Variants in RBMS3 observed in about 807,000 individuals in gnomAD.
RBMS3 encodes RNA-binding motif, single-stranded-interacting protein 3.
In RBMS3, 27 loss-of-function variants were observed where a neutral mutation model predicts 66.8. The observed-to-expected ratio is 0.40, with a 90% confidence interval of 0.30 to 0.56. The LOEUF is 0.56. Ranked by LOEUF, RBMS3 falls within the 20% of genes least tolerant of loss-of-function variation. RBMS3 has a pLI of 0.40. For missense variants in RBMS3, 513 were observed against 549.5 expected, an observed-to-expected ratio of 0.93 and a Z score of 0.66; for synonymous variants, 188 against 183.0, an observed-to-expected ratio of 1.03 and a Z score of -0.22.
intron 1 of RBMS3, among the ~76,000 whole-genome samples, chr3:29,352,302 C>A (rs955390472): frequency 3.3e-5 from 5 of 151,916 alleles, no homozygotes; most frequent in African/African-American, 9.7e-5. Flanking sequence ...TAATTTTGAA[C>A]AATTTTGGCT....
intron 3 of RBMS3, among the ~76,000 whole-genome samples, chr3:29,539,586 T>A (rs2045687386): frequency 6.6e-6 from 1 of 152,190 alleles, no homozygotes; most frequent in Non-Finnish European, 1.5e-5. Context: ...ATCAACAGAA[T>A]CTGGTCATCC....
At chr3:29,904,343 G>A (rs2060324889) in intron 10 of RBMS3, among the ~76,000 whole-genome samples, 1 of 151,860 alleles carries the variant, frequency 6.6e-6, no homozygotes, top group South Asian at 2.1e-4. Flanking sequence ...AATTTTATAT[G>A]CATATGAAAT....
chr3:29,782,558 T>A (rs1440278881), intron 6 of RBMS3, among the ~76,000 whole-genome samples: 3 of 152,180 alleles, frequency 2.0e-5, no homozygotes, highest in Non-Finnish European at 4.4e-5. Context: ...ATCTTACCTC[T>A]TACATAGTCT....
intron 14 of RBMS3, among the ~76,000 whole-genome samples, chr3:29,997,448 G>A (rs375341647): frequency 2.8e-4 from 41 of 148,860 alleles, no homozygotes; most frequent in South Asian, 4.4e-4. Flanking sequence ...TACCAAAGCC[G>A]GGCAGAGACA....
At chr3:29,668,093 T>A (rs909048806) in intron 4 of RBMS3, among the ~76,000 whole-genome samples, 1 of 152,198 alleles carries the variant, frequency 6.6e-6, no homozygotes, top group African/African-American at 2.4e-5. Flanking sequence ...CATTTGATAT[T>A]ATATGTCAGT....
intron 1 of RBMS3, among the ~76,000 whole-genome samples, chr3:29,284,542 C>G (rs2032108710): frequency 6.6e-6 from 1 of 152,058 alleles, no homozygotes; most frequent in Non-Finnish European, 1.5e-5. Context: ...GCAGATGTTT[C>G]CATTCCCTGG....
chr3:29,963,460 A>G (rs541741355), intron 12 of RBMS3, among the ~76,000 whole-genome samples: 1 of 152,356 alleles, frequency 6.6e-6, no homozygotes, highest in Admixed American at 6.5e-5. Flanking sequence ...AAAAACGTAT[A>G]AGATTTACCA....
intron 10 of RBMS3, among the ~76,000 whole-genome samples, chr3:29,915,860 G>GA (rs34523615): frequency 0.01 from 1,530 of 152,052 alleles, 7 homozygotes; most frequent in East Asian, 0.029. Flanking sequence ...TCTGCATCTG[G>GA]AAAAAACTTC....
At chr3:29,439,623 T>A (rs1198354531) in intron 2 of RBMS3, among the ~76,000 whole-genome samples, 1 of 151,074 alleles carries the variant, frequency 6.6e-6, no homozygotes, top group Non-Finnish European at 1.5e-5. Context: ...TTATTATTAT[T>A]ATACTTTAAG....
At chr3:29,518,692 A>G (rs2044736380) in intron 3 of RBMS3, among the ~76,000 whole-genome samples, 1 of 152,252 alleles carries the variant, frequency 6.6e-6, no homozygotes, top group Non-Finnish European at 1.5e-5. Flanking sequence ...TAAATTTGGT[A>G]CAATATTCCA....
At chr3:29,310,680 C>A (rs1187947374) in intron 1 of RBMS3, among the ~76,000 whole-genome samples, 1 of 151,620 alleles carries the variant, frequency 6.6e-6, no homozygotes, top group Non-Finnish European at 1.5e-5. Flanking sequence ...GGAGTGAATT[C>A]CTTCAGCCCC....
chr3:29,580,009 A>T (rs983845896), intron 3 of RBMS3, among the ~76,000 whole-genome samples: 1 of 152,176 alleles, frequency 6.6e-6, no homozygotes, highest in Non-Finnish European at 1.5e-5. Context: ...GAGTTTTGGG[A>T]TTTGAATTTG....
intron 12 of RBMS3, among the ~76,000 whole-genome samples, chr3:29,987,765 A>C (rs1045960386): frequency 6.6e-6 from 1 of 152,100 alleles, no homozygotes; most frequent in Non-Finnish European, 1.5e-5. Flanking sequence ...AGAGCCTACT[A>C]TGTGATAGGT....
At chr3:29,413,421 CAT>C (rs1491207671) in intron 1 of RBMS3, among the ~76,000 whole-genome samples, 5,251 of 122,340 alleles carry the variant, frequency 0.043, 292 homozygotes, top group African/African-American at 0.13. Flanking sequence ...TACATACATA[CAT>C]ACACAGAGTT....
intron 3 of RBMS3, among the ~76,000 whole-genome samples, chr3:29,569,904 T>A (rs1273609730): frequency 6.6e-6 from 1 of 152,140 alleles, no homozygotes; most frequent in Non-Finnish European, 1.5e-5. Flanking sequence ...CAGAAAGGGT[T>A]AGGCAATTGG....
Position 29,466,655 on chromosome 3 carries a change from C to T in RBMS3, c.249-21786C>T, listed in dbSNP as rs1450537782. Among the ~76,000 whole-genome samples, 3 of 152,004 alleles carry T rather than the reference C, an allele frequency of 2.0e-5. No homozygotes were observed. In the East Asian group the frequency reaches 5.8e-4, roughly 29 times the overall value. On this transcript the variant is annotated intron_variant, in intron 2 of 14. Transcript: ENST00000383767. ...GTACTGGCATGTTGGTTAATTCTAG[C>T]CATAATTTAACTGTAAAACCTACTT...
chr3:29,505,479 G>A (rs1250495694), intron 3 of RBMS3, among the ~76,000 whole-genome samples: 1 of 147,692 alleles, frequency 6.8e-6, no homozygotes, highest in Non-Finnish European at 1.5e-5. Context: ...GTATTTTGAA[G>A]TCATGTAGTG....
At chr3:29,327,455 G>T (rs945552747) in intron 1 of RBMS3, among the ~76,000 whole-genome samples, 3 of 152,096 alleles carry the variant, frequency 2.0e-5, no homozygotes, top group Non-Finnish European at 2.9e-5. Context: ...TGGAGTGGAG[G>T]ATAAATGACA....
intron 4 of RBMS3, among the ~76,000 whole-genome samples, chr3:29,665,012 C>A (rs2050698296): frequency 6.6e-6 from 1 of 152,060 alleles, no homozygotes; most frequent in South Asian, 2.1e-4. Flanking sequence ...AATAGAAGAA[C>A]TTATGAAGAA....
Sources: allele counts gnomAD v4.1 joint callset (sites outside exome capture counted in the v4.1 genomes callset), GRCh38; gene constraint gnomAD v4.1.1; transcripts MANE v1.5; gene names NCBI Gene and HGNC (gene_info 2026-07-23, HGNC 2026-07-21).